Variants in ECPAS observed in about 807,000 individuals in gnomAD.
ECPAS encodes the protein proteasome adapter and scaffold protein ECM29.
Under a neutral mutation model 255.1 loss-of-function variants are expected in ECPAS, and 70 were observed. The ratio of observed to expected loss-of-function variants is 0.27; its 90% CI spans 0.23 to 0.33. The LOEUF is 0.33. Among genes scored for constraint, ECPAS ranks in the 10% least tolerant of loss-of-function variants. ECPAS has a pLI of 1.00. For synonymous variants in ECPAS, 784 were observed against 775.0 expected, an observed-to-expected ratio of 1.01 and a Z score of -0.19; for missense variants, 1,817 against 2,206.4, an observed-to-expected ratio of 0.82 and a Z score of 3.54.
chr9:111,460,658 T>G (rs747693030), intron 2 of ECPAS, among the ~76,000 whole-genome samples: 39 of 151,954 alleles, frequency 2.6e-4, no homozygotes, highest in Non-Finnish European at 4.7e-4. Flanking sequence ...TAATAAACCA[T>G]TAGAAAACAA....
At chr9:111,466,623 A>G (rs2098279924) in intron 2 of ECPAS, among the ~76,000 whole-genome samples, 1 of 144,256 alleles carries the variant, frequency 6.9e-6, no homozygotes, top group Non-Finnish European at 1.5e-5. Context: ...AAATACACAC[A>G]CACACACACA....
rs1484759607 is a variant in ECPAS at position 111,451,475 on chromosome 9, G to A, written c.103C>T (p.Pro35Ser). The A allele has an allele frequency of 3.2e-6, 5 of 1,572,602 alleles. No individual in the cohort carries two copies. The highest frequency in any genetic ancestry group is 4.3e-6 in the Non-Finnish European group (5 of 1,157,992). ...QLQNIISKFLPPVLLKLSSTQ... is the reference protein window; with the variant it reads ...QLQNIISKFLSPVLLKLSSTQ... ...CTAGAGAGTTTGAGCAAAACAGGAG[G>A]AAGGAATTTAGATATAATATTCTGT... Residue 35 changes from proline to serine, a missense_variant, in exon 3 of 50, where the codon CCT (proline) becomes TCT (serine). Transcript: ENST00000684092.
chr9:111,369,336 C>G (rs529224866), intron 45 of ECPAS, among the ~76,000 whole-genome samples, 163 bp from the exon 46 acceptor site: 1 of 152,104 alleles, frequency 6.6e-6, no homozygotes, highest in African/African-American at 2.4e-5. Flanking sequence ...GAATTTATAA[C>G]CAGAATACTG....
intron 35 of ECPAS, among the ~76,000 whole-genome samples, chr9:111,381,872 T>C (rs1564504998): frequency 6.6e-6 from 1 of 152,194 alleles, no homozygotes; most frequent in Non-Finnish European, 1.5e-5. Flanking sequence ...TTCTTAAATC[T>C]TTTTTAACAG....
chr9:111,477,954 G>A (rs933152927), intron 1 of ECPAS, among the ~76,000 whole-genome samples: 8 of 149,640 alleles, frequency 5.3e-5, no homozygotes, highest in African/African-American at 1.5e-4. Flanking sequence ...AGGCTAGAGT[G>A]CAGTGGTGTG....
chr9:111,367,069 C>CA (rs2098121230), intron 46 of ECPAS, among the ~76,000 whole-genome samples: 1 of 152,190 alleles, frequency 6.6e-6, no homozygotes, highest in South Asian at 2.1e-4. Flanking sequence ...CAAGCTTCTG[C>CA]AAATTGCAGG....
chr9:111,405,759 A>ATT (rs2098183061), intron 24 of ECPAS, among the ~76,000 whole-genome samples: 1 of 149,948 alleles, frequency 6.7e-6, no homozygotes, highest in Admixed American at 6.6e-5. Flanking sequence ...AAAAAAAGGT[A>ATT]TATAAATGGC....
At chr9:111,410,917 A>T in intron 22 of ECPAS, 63 bp downstream of exon 22, 2 of 1,471,950 alleles carry the variant, frequency 1.4e-6, no homozygotes, top group South Asian at 2.5e-5. Context: ...CTGAAACGCC[A>T]TATTAAAATT....
rs2098120660 is a variant in ECPAS at position 111,366,644 on chromosome 9, A to C, written c.5114-17T>G. On this transcript the variant is annotated splice_polypyrimidine_tract_variant and intron_variant, in intron 46 of 49. Transcript: ENST00000684092. Reference sequence around the variant, plus strand: ...GATAACAACCTGGGAAAAAAAGACAAGGTGGGACAGAGCAGGAGACAGTAT... The same window carrying C: ...GATAACAACCTGGGAAAAAAAGACACGGTGGGACAGAGCAGGAGACAGTAT... 6.5e-7 allele frequency: 1 copy of C among 1,538,108 alleles called. No individual in the cohort carries two copies. The highest frequency in any genetic ancestry group is 9.0e-7 in the Non-Finnish European group (1 of 1,111,636).
intron 2 of ECPAS, among the ~76,000 whole-genome samples, chr9:111,472,153 T>C (rs1467067730): frequency 6.6e-6 from 1 of 151,630 alleles, no homozygotes; most frequent in Admixed American, 6.6e-5. Flanking sequence ...GAGGCTGAGG[T>C]GGGAGGATCG....
intron 3 of ECPAS, among the ~76,000 whole-genome samples, chr9:111,447,054 G>A (rs1298984775): frequency 6.6e-6 from 1 of 152,066 alleles, no homozygotes; most frequent in Non-Finnish European, 1.5e-5. Flanking sequence ...GGACTCTATA[G>A]AAAATTATTA....
chr9:111,478,548 T>C (rs1458549247), intron 1 of ECPAS, among the ~76,000 whole-genome samples: 7 of 150,502 alleles, frequency 4.7e-5, no homozygotes, highest in East Asian at 1.9e-4. Flanking sequence ...AATAAACAAA[T>C]AAATAAATAA....
chr9:111,411,284 T>A (rs2274899), intron 21 of ECPAS, 142 bp from the exon 22 acceptor site: 153,832 of 809,918 alleles, frequency 0.19, 15,793 homozygotes, highest in East Asian at 0.33. Flanking sequence ...GAGGTTTCAC[T>A]GGATGCTAAT....
chr9:111,393,011 A>C lies in ECPAS; in HGVS notation c.2978-129T>G. 6 of 613,708 alleles carry C rather than the reference A, an allele frequency of 9.8e-6. No homozygotes were observed. In the South Asian group the frequency reaches 1.2e-4, roughly 12 times the overall value. The allele number at this position is 613,708 out of a possible 1,614,324, so 38.0% of individuals were successfully genotyped here. ...ATCAAAGTAAAGATATAAAAACAGA[A>C]TCAATATGCCTATTTTGTTAAAAAT... On this transcript the variant is annotated intron_variant, in intron 27 of 49. Coordinates refer to ENST00000684092, the MANE Select transcript of ECPAS (RefSeq NM_001364929.1).
At chr9:111,378,789 A>C in intron 35 of ECPAS, 59 bp from the exon 36 acceptor site, 1 of 1,498,310 alleles carries the variant, frequency 6.7e-7, no homozygotes, top group South Asian at 1.3e-5. Context: ...AAGACCTACA[A>C]ATCTAACCAT....
rs1589139214 is a variant in ECPAS at position 111,393,809 on chromosome 9, G to A, written c.2923-75C>T. On this transcript the variant is annotated intron_variant, in intron 26 of 49. Coordinates refer to ENST00000684092, the MANE Select transcript of ECPAS (RefSeq NM_001364929.1). ...AGAATAAGAGTCTTGCTCTCACCGT[G>A]TACAAAATTTGTAGTCTTATTATCC... 4 of 1,082,918 alleles carry A rather than the reference G, an allele frequency of 3.7e-6. No homozygotes were observed. The East Asian group carries it at 9.6e-5, about 26-fold the overall frequency. The allele number at this position is 1,082,918 out of a possible 1,614,324, so 67.1% of individuals were successfully genotyped here.
chr9:111,452,138 T>C (rs2098261069), intron 2 of ECPAS, among the ~76,000 whole-genome samples: 1 of 152,120 alleles, frequency 6.6e-6, no homozygotes, highest in South Asian at 2.1e-4. Context: ...CTTCAACCAG[T>C]ACACTGCAGC....
chr9:111,471,138 T>C (rs934962540), intron 2 of ECPAS, among the ~76,000 whole-genome samples: 1 of 152,240 alleles, frequency 6.6e-6, no homozygotes, highest in African/African-American at 2.4e-5. Context: ...ATGTTCTTTA[T>C]TTAAATCACT....
intron 1 of ECPAS, among the ~76,000 whole-genome samples, chr9:111,475,608 G>A (rs989432992): frequency 5.3e-5 from 8 of 151,952 alleles, no homozygotes; most frequent in African/African-American, 1.5e-4. Context: ...GATGGTGCAC[G>A]CCTTGTAGTC....
Sources: allele counts gnomAD v4.1 joint callset (sites outside exome capture counted in the v4.1 genomes callset), GRCh38; gene constraint gnomAD v4.1.1; transcripts MANE v1.5; gene names NCBI Gene and HGNC (gene_info 2026-07-23, HGNC 2026-07-21).